The following CACNA2D1 variants were observed in gnomAD, a reference collection of about 807,000 sequenced individuals.
CACNA2D1 encodes calcium voltage-gated channel auxiliary subunit alpha2delta 1, also known as voltage-dependent calcium channel subunit alpha-2/delta-1.
A neutral mutation model predicts 171.5 loss-of-function variants in CACNA2D1; 53 were observed. The observed-to-expected ratio is 0.31, with a 90% CI of 0.25 to 0.39. CACNA2D1 has a LOEUF of 0.39. Among genes scored for constraint, CACNA2D1 ranks in the 10% least tolerant of loss-of-function variants. The pLI is 1.00. For synonymous variants in CACNA2D1, 442 were observed against 443.1 expected (o/e 1.00, Z 0.03); for missense variants, 903 against 1,299.8 (o/e 0.69, Z 4.69).
At chr7:82,366,866 T>C (rs1360456933) in intron 1 of CACNA2D1, among the ~76,000 whole-genome samples, 2 of 150,240 alleles carry the variant, frequency 1.3e-5, no homozygotes, top group African/African-American at 2.4e-5. Flanking sequence ...AGTGGCCCCT[T>C]TCCTCCACAG....
chr7:82,323,528 C>T (rs1816263206), intron 3 of CACNA2D1, among the ~76,000 whole-genome samples: 1 of 152,122 alleles, frequency 6.6e-6, no homozygotes, highest in Non-Finnish European at 1.5e-5. Context: ...CTGACTGACT[C>T]AGTGAGGACT....
chr7:82,311,828 A>G (rs1814502891), intron 3 of CACNA2D1, among the ~76,000 whole-genome samples: 2 of 152,194 alleles, frequency 1.3e-5, no homozygotes, highest in Non-Finnish European at 2.9e-5. Context: ...TGACTTTATA[A>G]CACCAACAGA....
chr7:82,035,870 G>A, intron 11 of CACNA2D1, among the ~76,000 whole-genome samples: 1 of 152,108 alleles, frequency 6.6e-6, no homozygotes, highest in East Asian at 1.9e-4. Context: ...CAATTTTGTA[G>A]TTTTGAGCTT....
At chr7:82,169,098 A>G (rs1269432740) in intron 4 of CACNA2D1, among the ~76,000 whole-genome samples, 3 of 152,114 alleles carry the variant, frequency 2.0e-5, no homozygotes, top group African/African-American at 7.2e-5. Flanking sequence ...AATCAAACAT[A>G]TATTTAGCTA....
intron 12 of CACNA2D1, among the ~76,000 whole-genome samples, chr7:82,018,020 G>A (rs1429768970): frequency 6.6e-6 from 1 of 152,128 alleles, no homozygotes; most frequent in Non-Finnish European, 1.5e-5. Flanking sequence ...TGAGTAAAAT[G>A]TTCCTAGAAA....
Position 82,443,555 on chromosome 7 carries a change from G to A in CACNA2D1, c.-96C>T, listed in dbSNP as rs1201545419. The A allele has an allele frequency of 5.9e-6, 9 of 1,521,408 alleles. No homozygotes were observed. In the East Asian group the frequency reaches 2.4e-4, roughly 41 times the overall value. 94.2% of individuals were successfully genotyped at this position (1,521,408 alleles called of 1,614,324 possible). A position where few individuals can be genotyped will look rare whatever the true frequency, so the allele number is the denominator to read the frequency against. On this transcript the variant is annotated 5_prime_UTR_variant, in exon 1 of 39. Coordinates refer to ENST00000356860, the MANE Select transcript of CACNA2D1 (RefSeq NM_000722.4). ...GGAGGAAGAGCAGCACACGCCGCCGGGACCGCGGGCGTCTGGAGGGCTGGC... is the reference window on the plus strand; with the variant it reads ...GGAGGAAGAGCAGCACACGCCGCCGAGACCGCGGGCGTCTGGAGGGCTGGC...
intron 21 of CACNA2D1, among the ~76,000 whole-genome samples, chr7:81,985,751 G>C (rs927110734): frequency 6.6e-6 from 1 of 152,078 alleles, no homozygotes; most frequent in Admixed American, 6.6e-5. Flanking sequence ...GATGTAATAG[G>C]AAATGTGTCT....
At chr7:82,413,171 T>A (rs1191212008) in intron 1 of CACNA2D1, among the ~76,000 whole-genome samples, 1 of 152,218 alleles carries the variant, frequency 6.6e-6, no homozygotes, top group Non-Finnish European at 1.5e-5. Flanking sequence ...AATTGAACAT[T>A]TCTTAGTCAA....
Position 82,040,452 on chromosome 7 carries a change from C to CAAAAA in CACNA2D1, c.880-2222_880-2218dup, listed in dbSNP as rs34257660. Among the ~76,000 whole-genome samples the CAAAAA allele has an allele frequency of 5.4e-4, 58 of 106,486 alleles. No individual in the cohort carries two copies. The South Asian group carries it at 6.6e-3, about 12-fold the overall frequency. The allele number at this position is 106,486 out of a possible 152,430, so 69.9% of individuals were successfully genotyped here. On this transcript the variant is annotated intron_variant, in intron 10 of 38. Coordinates refer to ENST00000356860, the MANE Select transcript of CACNA2D1 (RefSeq NM_000722.4). ...AGAAGTCTTGGCTAAATAATTTATTCAAAAAAAAAAAAAAAAAAACAGAAG... is the reference window on the plus strand; with the variant it reads ...AGAAGTCTTGGCTAAATAATTTATTCAAAAAAAAAAAAAAAAAAAAAAAACAGAAG...
intron 1 of CACNA2D1, among the ~76,000 whole-genome samples, chr7:82,426,088 A>C (rs931386774): frequency 1.3e-5 from 2 of 151,574 alleles, no homozygotes; most frequent in Non-Finnish European, 2.9e-5. Context: ...CCAAGATTGC[A>C]CCACTGCACT....
chr7:82,217,871 T>A (rs556826389), intron 3 of CACNA2D1, among the ~76,000 whole-genome samples: 97 of 151,640 alleles, frequency 6.4e-4, no homozygotes, highest in African/African-American at 2.2e-3. Context: ...TTTTTTTTTT[T>A]AATGTGGGAG....
Position 82,032,735 on chromosome 7 carries a change from C to G in CACNA2D1, c.1143+62G>C, listed in dbSNP as rs909334058. The stretch of plus-strand genomic sequence containing the variant: ...ATTCTCCCCTCACTACCACTACCCA[C>G]TATCTCTTTAAAAACCACCTAGATC... On this transcript the variant is annotated intron_variant, in intron 12 of 38. Coordinates refer to ENST00000356860, the MANE Select transcript of CACNA2D1 (RefSeq NM_000722.4). The G allele has an allele frequency of 3.3e-6, 3 of 898,804 alleles. No individual in the cohort carries two copies. In the African/African-American group the frequency reaches 5.0e-5, roughly 15 times the overall value. 55.7% of individuals were successfully genotyped at this position (898,804 alleles called of 1,614,324 possible).
intron 5 of CACNA2D1, among the ~76,000 whole-genome samples, chr7:82,130,125 G>C (rs2129068333): frequency 6.6e-6 from 1 of 152,296 alleles, no homozygotes; most frequent in Middle Eastern, 3.4e-3. Flanking sequence ...GCTTTAATAT[G>C]AACTTAGATT....
At chr7:82,395,172 T>C (rs1466013349) in intron 1 of CACNA2D1, among the ~76,000 whole-genome samples, 2 of 147,060 alleles carry the variant, frequency 1.4e-5, no homozygotes, top group East Asian at 4.0e-4. Context: ...AGTACTATTC[T>C]AGACACTAAA....
chr7:82,061,470 C>T (rs1008172061), intron 9 of CACNA2D1, among the ~76,000 whole-genome samples: 8 of 152,106 alleles, frequency 5.3e-5, no homozygotes, highest in African/African-American at 1.9e-4. Context: ...AGAAACACAT[C>T]CTGACCTAAT....
At chr7:82,148,412 TGAAG>T (rs1288354145) in intron 4 of CACNA2D1, among the ~76,000 whole-genome samples, 1 of 151,694 alleles carries the variant, frequency 6.6e-6, no homozygotes, top group East Asian at 1.9e-4. Flanking sequence ...AAAGAAAAGC[TGAAG>T]GAGAGAGCTA....
chr7:81,991,231 CT>C lies in CACNA2D1; in HGVS notation c.1749del (p.Gly584GlufsTer29). ...VKSQDERYID[K>X]GNRTYTWTPV... Reference sequence around the variant, plus strand: ...GGTGTCCATGTGTATGTCCTGTTTCCTTTGTCAATATATCTCTAGAAAGAAG... The same window carrying C: ...GGTGTCCATGTGTATGTCCTGTTTCCTTGTCAATATATCTCTAGAAAGAAG... On this transcript the variant is annotated frameshift_variant, in exon 21 of 39. Transcript: ENST00000356860. LOFTEE classifies it high-confidence loss of function. 2 of 1,522,622 alleles carry C rather than the reference CT, an allele frequency of 1.3e-6. No individual in the cohort carries two copies. Among genetic ancestry groups the C allele is most frequent in the Non-Finnish European group, 1.8e-6 (2 of 1,097,098 alleles). 94.3% of individuals were successfully genotyped at this position (1,522,622 alleles called of 1,614,324 possible).
intron 7 of CACNA2D1, among the ~76,000 whole-genome samples, chr7:82,079,130 G>A (rs1366003372): frequency 6.6e-5 from 10 of 152,174 alleles, no homozygotes; most frequent in Non-Finnish European, 1.3e-4. Flanking sequence ...CTGGAAGTCA[G>A]TGTTTCTATG....
At chr7:82,050,446 C>T (rs1805062552) in intron 10 of CACNA2D1, 2 of 612,400 alleles carry the variant, frequency 3.3e-6, no homozygotes. Context: ...GGAGGACAGC[C>T]AGGGGTCACC....
Sources: gnomAD v4.1 joint callset for allele counts (sites outside exome capture counted in the v4.1 genomes callset) on GRCh38, gnomAD v4.1.1 for gene constraint, MANE v1.5 for transcripts, NCBI Gene and HGNC (gene_info 2026-07-23, HGNC 2026-07-21) for gene names.